Variants in NUP214 observed in about 807,000 individuals in gnomAD.
The protein encoded by NUP214 is nuclear pore complex protein Nup214.
In NUP214, 79 loss-of-function variants were observed where a neutral mutation model predicts 196.2. The ratio of observed to expected loss-of-function variants is 0.40; its 90% CI spans 0.34 to 0.49. The LOEUF (loss-of-function observed/expected upper bound fraction) is 0.49, where lower values mean the gene tolerates loss of function less well. NUP214 is among the 20% of genes least tolerant of loss of function. The pLI is 0.58. For synonymous variants in NUP214, 1,020 were observed against 990.5 expected (o/e 1.03, Z -0.56); for missense variants, 2,468 against 2,539.0 (o/e 0.97, Z 0.60).
intron 23 of NUP214, among the ~76,000 whole-genome samples, chr9:131,176,732 C>T (rs1833132275): frequency 6.6e-6 from 1 of 152,162 alleles, no homozygotes; most frequent in Non-Finnish European, 1.5e-5. Flanking sequence ...TTATCCCAAA[C>T]TTTCTACTAC....
intron 30 of NUP214, among the ~76,000 whole-genome samples, chr9:131,209,145 G>A (rs1052754637): frequency 6.6e-6 from 1 of 152,164 alleles, no homozygotes; most frequent in African/African-American, 2.4e-5. Context: ...GGCTGGGATG[G>A]GCAGATTGCT....
At position 131,128,469 on chromosome 9, in the gene NUP214, A is replaced by G; in HGVS notation, c.379A>G (p.Thr127Ala). 6.2e-7 allele frequency: 1 copy of G among 1,612,690 alleles called. No individual in the cohort carries two copies. Among genetic ancestry groups the G allele is most frequent in the Non-Finnish European group, 8.5e-7 (1 of 1,179,142 alleles). The stretch of plus-strand genomic sequence containing the variant: ...CATTATTGCTTTTTTTGATGTTCGC[A>G]CATTCTCAAATGAGGTAAGCTACTG... ...GSIIAFFDVR[T>A]FSNEAKQQKR... Residue 127 changes from threonine to alanine, a missense_variant, in exon 3 of 36, where the codon ACA becomes GCA. Thr to Ala is a moderately conservative substitution (Grantham distance 58). Transcript: ENST00000359428.
At chr9:131,174,874 C>T (rs1833071507) in intron 22 of NUP214, among the ~76,000 whole-genome samples, 2 of 152,188 alleles carry the variant, frequency 1.3e-5, no homozygotes, top group Non-Finnish European at 2.9e-5. Flanking sequence ...AGTTTATGCG[C>T]TATAACAGTT....
chr9:131,181,584 G>A (rs1470417388), intron 24 of NUP214, among the ~76,000 whole-genome samples: 1 of 152,124 alleles, frequency 6.6e-6, no homozygotes. Flanking sequence ...CCTAATGGCT[G>A]GTGATATTGA....
chr9:131,147,378 GGC>G, intron 13 of NUP214, 110 bp from the exon 14 acceptor site: 1 of 750,914 alleles, frequency 1.3e-6, no homozygotes, highest in South Asian at 1.7e-5. Flanking sequence ...CATGAAAGTG[GGC>G]CAGGGGCAAT....
chr9:131,207,991 A>C (rs1444630576), intron 30 of NUP214, among the ~76,000 whole-genome samples: 1 of 152,172 alleles, frequency 6.6e-6, no homozygotes, highest in African/African-American at 2.4e-5. Flanking sequence ...CTAATGAGGG[A>C]AATGAAAATC....
At chr9:131,171,440 C>T (rs1832953194) in intron 21 of NUP214, among the ~76,000 whole-genome samples, 1 of 152,002 alleles carries the variant, frequency 6.6e-6, no homozygotes, top group South Asian at 2.1e-4. Flanking sequence ...GAAATTTGGC[C>T]CCAAGAAAAC....
chr9:131,175,342 A>G (rs1833083932), intron 22 of NUP214, 118 bp from the exon 23 acceptor site: 4 of 1,185,082 alleles, frequency 3.4e-6, no homozygotes, highest in Non-Finnish European at 4.8e-6. Context: ...GTACTTTTCT[A>G]TGTTAACGCT....
chr9:131,207,625 T>C (rs1276051881), intron 30 of NUP214, among the ~76,000 whole-genome samples: 1 of 152,154 alleles, frequency 6.6e-6, no homozygotes, highest in Non-Finnish European at 1.5e-5. Flanking sequence ...ACTCACAAAG[T>C]CCCATCCAGG....
rs1289154223 is a variant in NUP214 at position 131,222,949 on chromosome 9, G to A, written c.5902+19G>A. On this transcript the variant is annotated intron_variant, in intron 32 of 35. Transcript: ENST00000359428. ...AAAACAGGTACTCCTATGTCTATTTGTTATGGTTATCTTTATATATGTATT... is the reference window on the plus strand; with the variant it reads ...AAAACAGGTACTCCTATGTCTATTTATTATGGTTATCTTTATATATGTATT... 6.2e-7 allele frequency: 1 copy of A among 1,608,912 alleles called. No homozygotes were observed. The highest frequency in any genetic ancestry group is 1.7e-5 in the Admixed American group (1 of 59,346).
At chr9:131,204,501 G>A (rs571742563) in intron 30 of NUP214, among the ~76,000 whole-genome samples, 11 of 152,270 alleles carry the variant, frequency 7.2e-5, no homozygotes, top group African/African-American at 2.2e-4. Flanking sequence ...AGAAGCAGCC[G>A]TAGACAATAT....
rs774435324 is a variant in NUP214, at chr9:131,146,143, C to A, written c.1784C>A (p.Ala595Asp). The part of the protein sequence containing the change: ...VNLSEKFTAA[A>D]TSTPVSSSQS... ...CCATTTTTCAGGTTTACTGCTGCAG[C>A]TACCTCTACTCCTGTTAGTAGCTCC... The change falls in exon 13 of 36, where the codon GCT (alanine) becomes GAT (aspartate). Residue 595 changes from alanine (A) to aspartate (D), a missense_variant. Ala to Asp is a moderately radical substitution (Grantham distance 126). Around this residue, in one of 5 missense-constraint regions of NUP214, gnomAD observed 1,801 missense variants for 1,779.4 expected, o/e 1.01. Transcript: ENST00000359428. The surrounding 1 kb of genome is among the most constrained non-coding windows in gnomAD (Gnocchi z 4.6). The A allele has an allele frequency of 1.7e-5, 28 of 1,614,060 alleles. No individual in the cohort carries two copies. In the South Asian group the frequency reaches 3.1e-4, roughly 18 times the overall value.
At chr9:131,175,716 T>A in intron 23 of NUP214, 95 bp downstream of exon 23, 1 of 1,457,076 alleles carries the variant, frequency 6.9e-7, no homozygotes, top group Non-Finnish European at 9.1e-7. Context: ...GTGGGCGCTC[T>A]TTGGTGCCCT....
At chr9:131,184,026 C>CTTTTTTTTTTTTTTTTTT (rs776765956) in intron 24 of NUP214, among the ~76,000 whole-genome samples, 20 of 104,370 alleles carry the variant, frequency 1.9e-4, no homozygotes, top group African/African-American at 2.6e-4. Flanking sequence ...TTTTCTTTTT[C>CTTTTTTTTTTTTTTTTTT]TTTTTTTTTT....
chr9:131,224,242 C>T (rs549634160), intron 32 of NUP214, among the ~76,000 whole-genome samples: 1 of 152,210 alleles, frequency 6.6e-6, no homozygotes, highest in African/African-American at 2.4e-5. Flanking sequence ...GTATTTATAA[C>T]TACAAATTTT....
At position 131,133,227 on chromosome 9, in the gene NUP214, A is replaced by G; in HGVS notation, c.831+18A>G. The G allele has an allele frequency of 6.9e-7, 1 of 1,440,410 alleles. No homozygotes were observed. Among genetic ancestry groups the G allele is most frequent in the Non-Finnish European group, 9.3e-7 (1 of 1,074,918 alleles). The allele number at this position is 1,440,410 out of a possible 1,614,324, so 89.2% of individuals were successfully genotyped here. A position where few individuals can be genotyped will look rare whatever the true frequency, so the allele number is the denominator to read the frequency against. ...TACTACCGGTATGCCTGTGGAAGAA[A>G]TTTCATTGTTTGAGAATTAGAGAAG... On this transcript the variant is annotated intron_variant, in intron 7 of 35. Transcript: ENST00000359428.
At chr9:131,228,362 C>G (rs776300431) in intron 33 of NUP214, 31 bp downstream of exon 33, 3 of 1,557,696 alleles carry the variant, frequency 1.9e-6, no homozygotes, top group South Asian at 2.4e-5. Context: ...CCTTGGGAAC[C>G]CACACGCCAG....
At position 131,135,940 on chromosome 9, in the gene NUP214, G is replaced by A. The variant is rs866997802; in HGVS notation, c.939G>A (p.Trp313Ter). ...HHYYLSYIEE[W>*]DLVLAASAAS... ...ATGGTCTCTGGTTTTATTCTTTAAGGGATTTAGTGCTGGCAGCATCTGCGG... is the reference window on the plus strand; with the variant it reads ...ATGGTCTCTGGTTTTATTCTTTAAGAGATTTAGTGCTGGCAGCATCTGCGG... The change falls in exon 9 of 36, where the codon TGG (tryptophan) becomes TGA (stop). Residue 313 changes from tryptophan to a stop codon, truncating the protein, a stop_gained and splice_region_variant. Coordinates refer to ENST00000359428, the MANE Select transcript of NUP214 (RefSeq NM_005085.4). LOFTEE classifies it high-confidence loss of function. 6.2e-7 allele frequency: 1 copy of A among 1,613,184 alleles called. No individual in the cohort carries two copies. The highest frequency in any genetic ancestry group is 1.1e-5 in the South Asian group (1 of 91,040).
intron 32 of NUP214, among the ~76,000 whole-genome samples, chr9:131,224,489 G>T (rs960240155): frequency 6.6e-6 from 1 of 152,196 alleles, no homozygotes; most frequent in Non-Finnish European, 1.5e-5. Context: ...GCCCTCGTAT[G>T]CAGGGGATGC....
Sources: gnomAD v4.1 joint callset for allele counts (sites outside exome capture counted in the v4.1 genomes callset) on GRCh38, gnomAD v4.1.1 for gene constraint, gnomAD v4.1.1 regional missense constraint, Gnocchi (gnomAD v3.1) non-coding constraint, MANE v1.5 for transcripts, NCBI Gene and HGNC (gene_info 2026-07-23, HGNC 2026-07-21) for gene names.